SH3RF1: variants seen among roughly 807,000 people sequenced by gnomAD.
SH3RF1 encodes E3 ubiquitin-protein ligase SH3RF1.
In SH3RF1, 32 loss-of-function variants were observed where a neutral mutation model predicts 74.0. The observed-to-expected ratio is 0.43, with a 90% CI of 0.33 to 0.58. SH3RF1 has a LOEUF of 0.58. SH3RF1 is among the 20% of genes least tolerant of loss of function. The pLI is 0.05. For missense variants in SH3RF1, 954 were observed against 1,130.9 expected (o/e 0.84, Z 2.24); for synonymous variants, 396 against 439.6 (o/e 0.90, Z 1.24).
chr4:169,117,228 G>C (rs1166998943), intron 9 of SH3RF1, among the ~76,000 whole-genome samples: 1 of 152,134 alleles, frequency 6.6e-6, no homozygotes, highest in Non-Finnish European at 1.5e-5. Context: ...GATGGTAGTA[G>C]TGAGATTTGA....
chr4:169,145,310 T>A (rs998374064), intron 4 of SH3RF1, among the ~76,000 whole-genome samples: 1 of 152,124 alleles, frequency 6.6e-6, no homozygotes, highest in Non-Finnish European at 1.5e-5. Context: ...GAGGTCATTA[T>A]CCTAAGTGAA....
At position 169,134,722 on chromosome 4, in the gene SH3RF1, GAT is replaced by G. The variant is rs539812194; in HGVS notation, c.1068+1594_1068+1595del. 5.7e-4 allele frequency among the ~76,000 whole-genome samples: 86 copies of G among 152,178 alleles called. 1 individual carries two copies. The highest frequency in any genetic ancestry group is 1.6e-3 in the African/African-American group (68 of 41,514). On this transcript the variant is annotated intron_variant, in intron 5 of 11. Coordinates refer to ENST00000284637, the MANE Select transcript of SH3RF1 (RefSeq NM_020870.4). ...ATGATCCATGTCTTTTTCTCACACG[GAT>G]ATGATTAGTTAAATGTAAAATGACA...
intron 2 of SH3RF1, among the ~76,000 whole-genome samples, chr4:169,258,729 C>T (rs1256854725): frequency 2.6e-5 from 4 of 152,062 alleles, no homozygotes; most frequent in Non-Finnish European, 4.4e-5. Flanking sequence ...CAAATGAAAA[C>T]TTAAGGTCTG....
rs113758971 is a variant in SH3RF1, at chr4:169,262,986, AAAAC to A, written c.393+5830_393+5833del. On this transcript the variant is annotated intron_variant, in intron 2 of 11. Coordinates refer to ENST00000284637, the MANE Select transcript of SH3RF1 (RefSeq NM_020870.4). ...AGCATGCAACAAACATGGTTTAGCC[AAAAC>A]AAACAAACAAACAAAACCCACCTTT... Among the ~76,000 whole-genome samples the A allele has an allele frequency of 1.3e-4, 20 of 152,266 alleles. No homozygotes were observed. In the East Asian group the frequency reaches 3.7e-3, roughly 28 times the overall value.
chr4:169,127,664 T>C (rs766614015), intron 6 of SH3RF1, among the ~76,000 whole-genome samples: 39 of 152,230 alleles, frequency 2.6e-4, no homozygotes, highest in Non-Finnish European at 4.3e-4. Flanking sequence ...CATGCAGGTT[T>C]TCTTATATAA....
intron 2 of SH3RF1, among the ~76,000 whole-genome samples, chr4:169,200,625 G>A (rs1415232767): frequency 2.0e-5 from 3 of 152,224 alleles, no homozygotes; most frequent in East Asian, 1.9e-4. Flanking sequence ...TCTTTCATAT[G>A]TATCATATGT....
At chr4:169,192,819 G>GAT (rs1366148013) in intron 2 of SH3RF1, among the ~76,000 whole-genome samples, 4 of 146,990 alleles carry the variant, frequency 2.7e-5, no homozygotes, top group African/African-American at 1.0e-4. Flanking sequence ...ATATATATGT[G>GAT]ATATATATAT....
chr4:169,258,291 T>G (rs1731222706), intron 2 of SH3RF1, among the ~76,000 whole-genome samples: 1 of 152,244 alleles, frequency 6.6e-6, no homozygotes. Context: ...AGTACTTTTC[T>G]GCTGCCAGAT....
In SH3RF1 at chr4:169,140,464, T is replaced by A. The variant is rs114199661; in HGVS notation, c.766-3844A>T. Among the ~76,000 whole-genome samples, 176 of 152,320 alleles carry A rather than the reference T, an allele frequency of 1.2e-3. 1 individual carries two copies. Among genetic ancestry groups the A allele is most frequent in the African/African-American group, 4.1e-3 (172 of 41,576 alleles). On this transcript the variant is annotated intron_variant, in intron 4 of 11. Transcript: ENST00000284637. ...AGGTTGGATATAAGGTAAAATTCAG[T>A]ATACTGGAGATAAAAGCAGGGATTC...
At chr4:169,142,386 T>C (rs1186902537) in intron 4 of SH3RF1, among the ~76,000 whole-genome samples, 1 of 152,254 alleles carries the variant, frequency 6.6e-6, no homozygotes, top group Non-Finnish European at 1.5e-5. Flanking sequence ...CACTATTGCA[T>C]CTTGATTTAA....
chr4:169,131,826 T>C (rs1015974559), intron 5 of SH3RF1, among the ~76,000 whole-genome samples: 6 of 152,234 alleles, frequency 3.9e-5, no homozygotes, highest in Admixed American at 6.5e-5. Flanking sequence ...TCCTCAACCA[T>C]TGATTGTGGG....
At chr4:169,206,379 T>C (rs1019613891) in intron 2 of SH3RF1, among the ~76,000 whole-genome samples, 6 of 151,294 alleles carry the variant, frequency 4.0e-5, no homozygotes, top group Admixed American at 1.3e-4. Context: ...CTAATATCCA[T>C]TCAAGGGGCT....
chr4:169,212,190 A>T (rs1342905717), intron 2 of SH3RF1, among the ~76,000 whole-genome samples: 2 of 147,146 alleles, frequency 1.4e-5, no homozygotes, highest in African/African-American at 2.5e-5. Flanking sequence ...TCAGCCTCCC[A>T]AGTAGCTGGG....
At chr4:169,246,259 T>C (rs1479311543) in intron 2 of SH3RF1, among the ~76,000 whole-genome samples, 1 of 152,230 alleles carries the variant, frequency 6.6e-6, no homozygotes, top group Admixed American at 6.5e-5. Flanking sequence ...ATGAGACACG[T>C]ATTTCATAAA....
chr4:169,268,238 T>C (rs1731385345), intron 2 of SH3RF1, among the ~76,000 whole-genome samples: 1 of 152,146 alleles, frequency 6.6e-6, no homozygotes, highest in Non-Finnish European at 1.5e-5. Flanking sequence ...AAGCTAGATG[T>C]TTTAGTGTAG....
At chr4:169,243,907 C>A (rs927090418) in intron 2 of SH3RF1, among the ~76,000 whole-genome samples, 2 of 152,148 alleles carry the variant, frequency 1.3e-5, no homozygotes, top group African/African-American at 4.8e-5. Context: ...TTTTAAGTTA[C>A]AAATTCAGAT....
chr4:169,172,034 T>C (rs1734337533), intron 2 of SH3RF1, among the ~76,000 whole-genome samples: 1 of 152,082 alleles, frequency 6.6e-6, no homozygotes, highest in South Asian at 2.1e-4. Context: ...TCTGACAATA[T>C]CAAAATAACA....
intron 6 of SH3RF1, among the ~76,000 whole-genome samples, chr4:169,129,106 C>T (rs1733570831): frequency 6.6e-6 from 1 of 152,190 alleles, no homozygotes; most frequent in South Asian, 2.1e-4. Flanking sequence ...CAGGACACAC[C>T]AATGGCATTC....
chr4:169,145,179 A>G (rs1733853668), intron 4 of SH3RF1, among the ~76,000 whole-genome samples: 1 of 152,210 alleles, frequency 6.6e-6, no homozygotes, highest in African/African-American at 2.4e-5. Flanking sequence ...CACGAAATCA[A>G]CCTGAGTGTC....
Sources: allele counts gnomAD v4.1 joint callset (sites outside exome capture counted in the v4.1 genomes callset), GRCh38; gene constraint gnomAD v4.1.1; transcripts MANE v1.5; gene names NCBI Gene and HGNC (gene_info 2026-07-23, HGNC 2026-07-21).